Variants in DEPTOR observed in about 807,000 individuals in gnomAD.
DEPTOR encodes the protein DEP domain-containing mTOR-interacting protein.
DEPTOR carries 41 observed loss-of-function variants against 41.6 expected under a neutral mutation model. That is an observed-to-expected ratio of 0.98 (90% CI 0.77 to 1.28). The LOEUF is 1.28. DEPTOR is among the 50% of genes most tolerant of loss of function. The pLI is 0.00. For missense variants in DEPTOR, 514 were observed against 527.9 expected (o/e 0.97, Z 0.26); for synonymous variants, 195 against 192.3 (o/e 1.01, Z -0.12).
intron 8 of DEPTOR, among the ~76,000 whole-genome samples, chr8:120,044,175 T>C (rs1813121612): frequency 6.6e-6 from 1 of 151,906 alleles, no homozygotes; most frequent in South Asian, 2.1e-4. Flanking sequence ...TTTATTTATT[T>C]TTTTGAGATG....
At chr8:120,011,582 C>T (rs1812531608) in intron 8 of DEPTOR, among the ~76,000 whole-genome samples, 2 of 152,122 alleles carry the variant, frequency 1.3e-5, no homozygotes, top group Admixed American at 6.6e-5. Context: ...TGCACTCACT[C>T]GCATGATGCT....
intron 4 of DEPTOR, among the ~76,000 whole-genome samples, chr8:119,996,675 T>C (rs1812264060): frequency 6.6e-6 from 1 of 152,192 alleles, no homozygotes; most frequent in African/African-American, 2.4e-5. Flanking sequence ...CATTTAAAAA[T>C]AATCTCAAAG....
intron 1 of DEPTOR, among the ~76,000 whole-genome samples, chr8:119,876,377 C>T (rs184771751): frequency 1.3e-5 from 2 of 152,324 alleles, no homozygotes; most frequent in East Asian, 3.9e-4. Flanking sequence ...AGTGATTATG[C>T]CCGTAATCCT....
chr8:119,904,346 T>C (rs560843492), intron 1 of DEPTOR, among the ~76,000 whole-genome samples: 110 of 152,170 alleles, frequency 7.2e-4, no homozygotes, highest in Middle Eastern at 3.4e-3. Context: ...CTCCAACTCC[T>C]GACCTAAGAT....
At chr8:119,934,993 G>T (rs1828090296) in intron 3 of DEPTOR, among the ~76,000 whole-genome samples, 1 of 152,200 alleles carries the variant, frequency 6.6e-6, no homozygotes, top group Non-Finnish European at 1.5e-5. Flanking sequence ...AGCTGTGGGG[G>T]AGTATGAGAA....
At chr8:119,875,572 A>C (rs908525208) in intron 1 of DEPTOR, among the ~76,000 whole-genome samples, 1 of 152,174 alleles carries the variant, frequency 6.6e-6, no homozygotes, top group African/African-American at 2.4e-5. Flanking sequence ...AATCATGAGA[A>C]AGGGCTTGGC....
Position 120,030,497 on chromosome 8 carries a change from G to GTT in DEPTOR, c.1102-19052_1102-19051dup, listed in dbSNP as rs1171655489. On this transcript the variant is annotated intron_variant, in intron 8 of 8. Coordinates refer to ENST00000286234, the MANE Select transcript of DEPTOR (RefSeq NM_022783.4). ...AATGATGTATTGTGTAGGTTCATCA[G>GTT]TTTTTTTTTTTTTTTTTTTTTTTTT... Among the ~76,000 whole-genome samples the GTT allele has an allele frequency of 6.1e-4, 28 of 46,210 alleles. 3 individuals are homozygous for GTT. The highest frequency in any genetic ancestry group is 1.2e-3 in the South Asian group (1 of 824). The allele number at this position is 46,210 out of a possible 152,430, so 30.3% of individuals were successfully genotyped here. A position where few individuals can be genotyped will look rare whatever the true frequency, so the allele number is the denominator to read the frequency against.
intron 1 of DEPTOR, among the ~76,000 whole-genome samples, chr8:119,875,049 T>C (rs1163947836): frequency 6.6e-6 from 1 of 152,046 alleles, no homozygotes; most frequent in Admixed American, 6.6e-5. Flanking sequence ...GAAGTCAGAA[T>C]TAACTGATTT....
In DEPTOR at chr8:119,898,273, G is replaced by A. The variant is rs544871312; in HGVS notation, c.122+24305G>A. Among the ~76,000 whole-genome samples, 7 of 152,258 alleles carry A rather than the reference G, an allele frequency of 4.6e-5. 1 individual carries two copies. Among genetic ancestry groups the A allele is most frequent in the Admixed American group, 3.9e-4 (6 of 15,292 alleles). On this transcript the variant is annotated intron_variant, in intron 1 of 8. Transcript: ENST00000286234. ...TATATCTAAGAAAGAAAAGATGTGTGTTGTGTACGTGTGTGAATGTGTTTC... is the reference window on the plus strand; with the variant it reads ...TATATCTAAGAAAGAAAAGATGTGTATTGTGTACGTGTGTGAATGTGTTTC...
intron 3 of DEPTOR, among the ~76,000 whole-genome samples, chr8:119,954,855 T>A (rs1828398388): frequency 6.6e-6 from 1 of 151,484 alleles, no homozygotes. Context: ...GGTGTGTGTG[T>A]GTGTGTGTGT....
At chr8:120,027,691 G>C (rs966094313) in intron 8 of DEPTOR, among the ~76,000 whole-genome samples, 2 of 151,266 alleles carry the variant, frequency 1.3e-5, no homozygotes, top group Non-Finnish European at 2.9e-5. Flanking sequence ...CGCAATGGGA[G>C]TGAGACTCCA....
At chr8:120,020,514 C>T (rs7813264) in intron 8 of DEPTOR, among the ~76,000 whole-genome samples, 123,524 of 152,102 alleles carry the variant, frequency 0.81, 50,230 homozygotes, top group African/African-American at 0.83. Context: ...TAGCTGGGAC[C>T]ACAGGCATGA....
intron 4 of DEPTOR, among the ~76,000 whole-genome samples, chr8:119,983,796 A>G (rs1828797584): frequency 6.6e-6 from 1 of 152,120 alleles, no homozygotes; most frequent in Non-Finnish European, 1.5e-5. Context: ...TATGAACAAT[A>G]TAGAAAATAT....
At chr8:119,954,802 TG>T (rs1399017653) in intron 3 of DEPTOR, among the ~76,000 whole-genome samples, 2 of 152,026 alleles carry the variant, frequency 1.3e-5, no homozygotes, top group Middle Eastern at 3.2e-3. Context: ...TCAGCTCACA[TG>T]CACAAGCAAA....
intron 8 of DEPTOR, among the ~76,000 whole-genome samples, chr8:120,022,706 A>AT (rs5894508): frequency 0.66 from 99,616 of 150,854 alleles, 33,571 homozygotes; most frequent in Middle Eastern, 0.75. Flanking sequence ...ATCTATTTTA[A>AT]TTTTTTTTTC....
rs112738740 is a variant in DEPTOR at position 120,050,619 on chromosome 8, A to T, written c.*915A>T. 1 of 152,176 alleles carries T rather than the reference A, an allele frequency of 6.6e-6. No individual in the cohort carries two copies. 9.4% of individuals were successfully genotyped at this position (152,176 alleles called of 1,614,324 possible). A position where few individuals can be genotyped will look rare whatever the true frequency, so the allele number is the denominator to read the frequency against. The stretch of plus-strand genomic sequence containing the variant: ...AATTGCCTCCTTAGCCTGAATTTTT[A>T]CTAGCTTTCTAGTGTAACATATTCT... On this transcript the variant is annotated 3_prime_UTR_variant, in exon 9 of 9. Coordinates refer to ENST00000286234, the MANE Select transcript of DEPTOR (RefSeq NM_022783.4).
At chr8:119,914,774 C>T (rs1019823223) in intron 1 of DEPTOR, among the ~76,000 whole-genome samples, 5 of 152,176 alleles carry the variant, frequency 3.3e-5, no homozygotes, top group Non-Finnish European at 7.3e-5. Flanking sequence ...TTGGGCCCAC[C>T]CCAAATCTAT....
intron 1 of DEPTOR, among the ~76,000 whole-genome samples, chr8:119,912,787 A>T (rs1047986023): frequency 6.6e-6 from 1 of 152,236 alleles, no homozygotes; most frequent in East Asian, 1.9e-4. Context: ...GGCTTACGGT[A>T]GATCTTTTCA....
intron 8 of DEPTOR, among the ~76,000 whole-genome samples, chr8:120,028,027 C>T (rs1347409981): frequency 6.6e-6 from 1 of 152,184 alleles, no homozygotes; most frequent in Non-Finnish European, 1.5e-5. Flanking sequence ...GGATATGATG[C>T]TGCGTAATCC....
Sources: gnomAD v4.1 joint callset for allele counts (sites outside exome capture counted in the v4.1 genomes callset) on GRCh38, gnomAD v4.1.1 for gene constraint, MANE v1.5 for transcripts, NCBI Gene and HGNC (gene_info 2026-07-23, HGNC 2026-07-21) for gene names.